GNL3L: variants seen among roughly 807,000 people sequenced by gnomAD.
The protein encoded by GNL3L is guanine nucleotide-binding protein-like 3-like protein.
A neutral mutation model predicts 42.9 loss-of-function variants in GNL3L; 4 were observed. That is an observed-to-expected ratio of 0.09 (90% CI 0.05 to 0.21). The LOEUF (loss-of-function observed/expected upper bound fraction) is 0.21, where lower values mean the gene tolerates loss of function less well. Ranked by LOEUF, GNL3L falls within the 10% of genes least tolerant of loss-of-function variation. The pLI, the probability that GNL3L is intolerant of heterozygous loss-of-function variation, is 1.00. For missense variants in GNL3L, 412 were observed against 481.7 expected (o/e 0.86, Z 1.36); for synonymous variants, 159 against 176.3 (o/e 0.90, Z 0.78).
chrX:54,641,046 A>T, the GNL3L span, among the ~76,000 whole-genome samples: 173 of 111,478 alleles, frequency 1.6e-3, no homozygotes, highest in Admixed American at 0.013. Context: ...AGATGAGATC[A>T]GTTTTAAATA....
At chrX:54,636,997 T>G in the GNL3L span, among the ~76,000 whole-genome samples, 4 of 112,235 alleles carry the variant, frequency 3.6e-5, no homozygotes, top group Non-Finnish European at 7.5e-5. Context: ...ACCATAAGTG[T>G]ATAAGTGTTC....
chrX:54,554,565 G>A lies in GNL3L; in HGVS notation c.1319G>A (p.Cys440Tyr). Residue 440 changes from cysteine (C) to tyrosine (Y), a missense_variant and splice_region_variant, in exon 14 of 16, where the codon TGC (cysteine) becomes TAC (tyrosine). Cys to Tyr is a radical substitution (Grantham distance 194, BLOSUM62 -2). Transcript: ENST00000360845. ...TEQANEDTME[C>Y]LATGESDELL... The stretch of plus-strand genomic sequence containing the variant: ...GACAGTGGTGTTGGTTGTGTTAAAG[G>A]CTTGGCCACCGGAGAATCTGATGAG... The A allele has an allele frequency of 8.3e-7, 1 of 1,208,853 alleles. No individual in the cohort carries two copies.
At chrX:54,554,409 T>C (rs975318449) in intron 13 of GNL3L, among the ~76,000 whole-genome samples, 156 bp from the exon 14 acceptor site, 2 of 111,394 alleles carry the variant, frequency 1.8e-5, no homozygotes, top group African/African-American at 6.5e-5. Flanking sequence ...CCCATGCTTT[T>C]AATTCTTGGT....
At chrX:54,643,710 A>T in the GNL3L span, among the ~76,000 whole-genome samples, 1 of 111,177 alleles carries the variant, frequency 9.0e-6, no homozygotes, top group African/African-American at 3.3e-5. Context: ...CAAACACTAG[A>T]TCTTATTCCT....
In GNL3L at chrX:54,576,134, ATATTAT is replaced by A. The variant is rs1485807153; in HGVS notation, c.*45+15492_*45+15497del. 3.6e-5 allele frequency among the ~76,000 whole-genome samples: 4 copies of A among 111,681 alleles called. No homozygotes were observed. In the South Asian group the frequency reaches 1.5e-3, roughly 42 times the overall value. ...TATTGAACATCTGTTTGAAGCTTCC[ATATTAT>A]TATTCAGTTGTCTATTTCTCCTTTC... On this transcript the variant is annotated intron_variant, in intron 16 of 16. Transcript: ENST00000674498.
chrX:54,576,108 T>A (rs755775276), intron 16 of GNL3L, among the ~76,000 whole-genome samples: 118 of 112,241 alleles, frequency 1.1e-3, no homozygotes, highest in African/African-American at 3.8e-3. Context: ...GTTCTAGCTA[T>A]TATTGAACAT....
chrX:54,543,771 C>G (rs1320897898), intron 7 of GNL3L, among the ~76,000 whole-genome samples: 1 of 111,827 alleles, frequency 8.9e-6, no homozygotes, highest in Non-Finnish European at 1.9e-5. Flanking sequence ...CCATGGGTAT[C>G]CCAACCTCAC....
At chrX:54,632,568 G>T in the GNL3L span, among the ~76,000 whole-genome samples, 1 of 111,256 alleles carries the variant, frequency 9.0e-6, no homozygotes, top group East Asian at 2.8e-4. Context: ...AAACTTTTCA[G>T]TGTATTCTTC....
At chrX:54,625,018 G>A (rs1458718002), downstream of GNL3L, among the ~76,000 whole-genome samples, 4 of 111,120 alleles carry the variant, frequency 3.6e-5, no homozygotes, top group African/African-American at 6.5e-5. Flanking sequence ...CCTCTTTAAT[G>A]ACCCTATCTA....
chrX:54,551,466 C>A, intron 10 of GNL3L, 102 bp from the exon 11 acceptor site: 1 of 662,179 alleles, frequency 1.5e-6, no homozygotes, highest in Non-Finnish European at 2.4e-6. Context: ...CTCTAATGCA[C>A]CCTCCCCTCA....
At chrX:54,633,988 G>T in the GNL3L span, among the ~76,000 whole-genome samples, 1 of 112,729 alleles carries the variant, frequency 8.9e-6, no homozygotes, top group Non-Finnish European at 1.9e-5. Context: ...GAAATCAACT[G>T]TCAGTTGTAT....
At chrX:54,556,951 CG>C (rs1925112382) in intron 14 of GNL3L, among the ~76,000 whole-genome samples, 1 of 110,489 alleles carries the variant, frequency 9.1e-6, no homozygotes, top group African/African-American at 3.3e-5. Context: ...GAAGCCAAGG[CG>C]GGTGGATCAC....
chrX:54,551,898 C>T lies in GNL3L; in HGVS notation c.1105C>T (p.Arg369Cys), dbSNP rs1924952979. The T allele has an allele frequency of 2.5e-6, 3 of 1,210,902 alleles. No homozygotes were observed. Among genetic ancestry groups the T allele is most frequent in the South Asian group, 3.5e-5 (2 of 57,008 alleles). ...TEHFLTAVAHRLGKKKKGGLY... is the reference protein window; with the variant it reads ...TEHFLTAVAHCLGKKKKGGLY... ...GCACTTTCTGACGGCAGTGGCCCAC[C>T]GTTTGGGGAAGAAGAAGAAGGGAGG... is the stretch of plus-strand genomic sequence containing the variant. Residue 369 changes from arginine to cysteine, a missense_variant, in exon 12 of 16, where the codon CGT becomes TGT. By Grantham distance (180) the Arg-to-Cys change is radical (BLOSUM62 -3). Coordinates refer to ENST00000360845, the MANE Select transcript of GNL3L (RefSeq NM_001184819.2).
chrX:54,568,675 T>C (rs1925500116), downstream of GNL3L, among the ~76,000 whole-genome samples: 1 of 110,349 alleles, frequency 9.1e-6, no homozygotes, highest in African/African-American at 3.3e-5. Context: ...TGCCTCAGCC[T>C]CCCAAGTAGC....
At chrX:54,619,245 TTAAA>T (rs1411661450) in intron 16 of GNL3L, among the ~76,000 whole-genome samples, 7 of 111,088 alleles carry the variant, frequency 6.3e-5, no homozygotes, top group African/African-American at 1.6e-4. Flanking sequence ...AATGAAATTA[TTAAA>T]TAAGTAATGG....
chrX:54,560,619 C>G lies in GNL3L; in HGVS notation c.*17C>G. 1 of 966,554 alleles carries G rather than the reference C, an allele frequency of 1.0e-6. No individual in the cohort carries two copies. Among genetic ancestry groups the G allele is most frequent in the South Asian group, 1.9e-5 (1 of 51,562 alleles). The allele number at this position is 966,554 out of a possible 1,213,427, so 79.7% of individuals were successfully genotyped here. ...GGTGACTAATCGACTGATCTCACTTCCCTTCCGCTCCAAGCACCAGTTCCG... is the reference window on the plus strand; with the variant it reads ...GGTGACTAATCGACTGATCTCACTTGCCTTCCGCTCCAAGCACCAGTTCCG... On this transcript the variant is annotated 3_prime_UTR_variant, in exon 16 of 16. Transcript: ENST00000360845.
At chrX:54,608,974 G>T (rs761640890) in intron 16 of GNL3L, among the ~76,000 whole-genome samples, 15 of 111,932 alleles carry the variant, frequency 1.3e-4, no homozygotes, top group African/African-American at 4.5e-4. Context: ...CCCATCAGCA[G>T]TGTAGAAGTG....
At chrX:54,619,403 ATAAT>A (rs757598227) in intron 16 of GNL3L, among the ~76,000 whole-genome samples, 194 of 111,631 alleles carry the variant, frequency 1.7e-3, no homozygotes, top group African/African-American at 5.9e-3. Flanking sequence ...ATTTCTGTAA[ATAAT>A]TATTTTTTGT....
intron 16 of GNL3L, among the ~76,000 whole-genome samples, chrX:54,572,990 C>T (rs1321450389): frequency 2.7e-5 from 3 of 109,179 alleles, no homozygotes; most frequent in Admixed American, 1.9e-4. Flanking sequence ...GATGTGATGG[C>T]GGCCGGGAAG....
Sources: gnomAD v4.1 joint callset for allele counts (sites outside exome capture counted in the v4.1 genomes callset) on GRCh38, gnomAD v4.1.1 for gene constraint, MANE v1.5 for transcripts, NCBI Gene and HGNC (gene_info 2026-07-23, HGNC 2026-07-21) for gene names.